The following HS3ST5 variants were observed in gnomAD, a reference collection of about 807,000 sequenced individuals.
HS3ST5 encodes the protein heparan sulfate-glucosamine 3-sulfotransferase 5.
HS3ST5 carries 10 observed loss-of-function variants against 25.4 expected under a neutral mutation model. The observed-to-expected ratio is 0.39, with a 90% CI of 0.24 to 0.67. The LOEUF (loss-of-function observed/expected upper bound fraction) is 0.67. Ranked by LOEUF, HS3ST5 falls within the 30% of genes least tolerant of loss-of-function variation. HS3ST5 has a pLI of 0.44. For missense variants in HS3ST5, 324 were observed against 420.7 expected (o/e 0.77, Z 2.01); for synonymous variants, 170 against 162.4 (o/e 1.05, Z -0.36).
chr6:114,081,202 C>T (rs1774433161), intron 3 of HS3ST5, among the ~76,000 whole-genome samples: 1 of 152,080 alleles, frequency 6.6e-6, no homozygotes, highest in South Asian at 2.1e-4. Flanking sequence ...TCAAAGATCA[C>T]TGATCACAGA....
intron 3 of HS3ST5, among the ~76,000 whole-genome samples, chr6:114,128,939 T>G (rs1777189878): frequency 6.6e-6 from 1 of 152,220 alleles, no homozygotes; most frequent in Admixed American, 6.5e-5. Context: ...AAAAAGCTGC[T>G]GATAAATTCT....
intron 3 of HS3ST5, among the ~76,000 whole-genome samples, chr6:114,114,804 C>T (rs1057245642): frequency 2.0e-5 from 3 of 151,924 alleles, no homozygotes; most frequent in Non-Finnish European, 1.5e-5. Context: ...TTAAAAAAAT[C>T]GTATTGATCA....
At chr6:114,310,248 T>C (rs1775472134) in intron 1 of HS3ST5, among the ~76,000 whole-genome samples, 1 of 152,244 alleles carries the variant, frequency 6.6e-6, no homozygotes, top group African/African-American at 2.4e-5. Flanking sequence ...GTACATTTAT[T>C]GCACAATAGC....
At chr6:114,123,277 A>G (rs1329211064) in intron 3 of HS3ST5, among the ~76,000 whole-genome samples, 3 of 152,142 alleles carry the variant, frequency 2.0e-5, no homozygotes, top group African/African-American at 4.8e-5. Flanking sequence ...TACACTGCCC[A>G]GGCTCAACAC....
intron 3 of HS3ST5, chr6:114,084,327 AG>A: frequency 1.3e-6 from 1 of 762,694 alleles, no homozygotes; most frequent in Non-Finnish European, 2.4e-6. Context: ...CTGCAATCTC[AG>A]GCTGAGTAGC....
chr6:114,245,109 A>G (rs1359841522), intron 1 of HS3ST5, among the ~76,000 whole-genome samples: 1 of 152,240 alleles, frequency 6.6e-6, no homozygotes, highest in Admixed American at 6.5e-5. Context: ...TAGAAGATCT[A>G]TATTGAAAAA....
intron 1 of HS3ST5, among the ~76,000 whole-genome samples, chr6:114,247,291 T>G (rs1582755456): frequency 1.3e-5 from 2 of 152,250 alleles, no homozygotes; most frequent in South Asian, 4.2e-4. Flanking sequence ...CAATTTGAAT[T>G]GGGAATACCA....
Position 114,058,135 on chromosome 6 carries a change from C to T in HS3ST5, c.163G>A (p.Glu55Lys). ...AACTGCAGGGCGCGAAGTGGGAATT[C>T]AGCCTGAGTGCGGGCTCCACCCAGT... ...GRLGGARTQA[E>K]FPLRALQFKR... The change falls in exon 5 of 5, where the codon GAA becomes AAA. Residue 55 changes from glutamate to lysine, a missense_variant. By Grantham distance (56) the Glu-to-Lys change is moderately conservative (BLOSUM62 1). Around this residue, in one of 2 missense-constraint regions of HS3ST5, gnomAD observed 121 missense variants for 117.3 expected, o/e 1.03. Coordinates refer to ENST00000312719, the MANE Select transcript of HS3ST5 (RefSeq NM_153612.4). The T allele has an allele frequency of 6.2e-7, 1 of 1,613,540 alleles. No homozygotes were observed. The highest frequency in any genetic ancestry group is 8.5e-7 in the Non-Finnish European group (1 of 1,179,586).
chr6:114,223,566 A>G (rs894938713), intron 2 of HS3ST5, among the ~76,000 whole-genome samples: 2 of 151,784 alleles, frequency 1.3e-5, no homozygotes, highest in Admixed American at 6.6e-5. Flanking sequence ...GACTGCAGAA[A>G]CTCTGGAATT....
At chr6:114,294,106 C>T (rs1774706030) in intron 1 of HS3ST5, among the ~76,000 whole-genome samples, 1 of 152,106 alleles carries the variant, frequency 6.6e-6, no homozygotes, top group South Asian at 2.1e-4. Context: ...AGGAGAAACA[C>T]TTAAGGAGAA....
At chr6:114,072,264 C>T (rs1042293197) in intron 3 of HS3ST5, among the ~76,000 whole-genome samples, 2 of 151,784 alleles carry the variant, frequency 1.3e-5, no homozygotes, top group Non-Finnish European at 2.9e-5. Flanking sequence ...TTCTTGTCTC[C>T]TCATACACTT....
At chr6:114,312,251 T>G (rs1037363121) in intron 1 of HS3ST5, among the ~76,000 whole-genome samples, 5 of 152,214 alleles carry the variant, frequency 3.3e-5, no homozygotes, top group Non-Finnish European at 7.3e-5. Flanking sequence ...TGTAAATTAT[T>G]TTAGAAAATT....
chr6:114,130,575 T>A (rs1056357229), intron 3 of HS3ST5, among the ~76,000 whole-genome samples: 2 of 152,090 alleles, frequency 1.3e-5, no homozygotes, highest in African/African-American at 2.4e-5. Flanking sequence ...TGTTACAATT[T>A]TTTTTTCTTT....
At chr6:114,102,649 C>T (rs899584135) in intron 3 of HS3ST5, among the ~76,000 whole-genome samples, 11 of 152,128 alleles carry the variant, frequency 7.2e-5, no homozygotes, top group African/African-American at 2.2e-4. Context: ...CTTTTTTGAA[C>T]GCTCAGTTTA....
At chr6:114,338,328 T>G (rs1342430665) in intron 1 of HS3ST5, among the ~76,000 whole-genome samples, 5 of 151,730 alleles carry the variant, frequency 3.3e-5, no homozygotes, top group African/African-American at 1.2e-4. Flanking sequence ...TATACATACA[T>G]ATACATAAAT....
intron 1 of HS3ST5, among the ~76,000 whole-genome samples, chr6:114,229,844 G>A (rs192845563): frequency 6.1e-4 from 93 of 152,292 alleles, no homozygotes; most frequent in Non-Finnish European, 9.8e-4. Context: ...AAAGACAATG[G>A]AAGTCCAGAG....
At chr6:114,269,124 T>G (rs946303440) in intron 1 of HS3ST5, among the ~76,000 whole-genome samples, 5 of 152,184 alleles carry the variant, frequency 3.3e-5, no homozygotes, top group African/African-American at 9.6e-5. Context: ...AGAAACAAAC[T>G]TGTTGAATGC....
chr6:114,118,748 C>T (rs1336467082), intron 3 of HS3ST5, among the ~76,000 whole-genome samples: 1 of 152,156 alleles, frequency 6.6e-6, no homozygotes, highest in Non-Finnish European at 1.5e-5. Context: ...ATTTCTCCAT[C>T]CCCTTTAGAA....
intron 1 of HS3ST5, among the ~76,000 whole-genome samples, chr6:114,292,271 A>G (rs529432096): frequency 6.6e-6 from 1 of 152,264 alleles, no homozygotes; most frequent in Admixed American, 6.5e-5. Flanking sequence ...GAAACTGGGA[A>G]TTTTAGGATC....
Sources: allele counts gnomAD v4.1 joint callset (sites outside exome capture counted in the v4.1 genomes callset), GRCh38; gene constraint gnomAD v4.1.1; regional missense constraint gnomAD v4.1.1; transcripts MANE v1.5; gene names NCBI Gene and HGNC (gene_info 2026-07-23, HGNC 2026-07-21).